The following SERINC2 variants were observed in gnomAD, a reference collection of about 807,000 sequenced individuals.
SERINC2 encodes the protein tumor differentially expressed protein 2.
In SERINC2, 56 loss-of-function variants were observed where a neutral mutation model predicts 54.2. That is an observed-to-expected ratio of 1.03 (90% CI 0.83 to 1.29). The LOEUF (loss-of-function observed/expected upper bound fraction) is 1.29. SERINC2 is among the 50% of genes most tolerant of loss of function. SERINC2 has a pLI of 0.00. For missense variants in SERINC2, 614 were observed against 607.4 expected, an observed-to-expected ratio of 1.01 and a Z score of -0.12; for synonymous variants, 272 against 253.1, an observed-to-expected ratio of 1.07 and a Z score of -0.71.
At chr1:31,432,177 GGTGGATAGGGTGGTTAGAGTGGAGAGA>G (rs1641308878) in intron 8 of SERINC2, among the ~76,000 whole-genome samples, 9 of 148,256 alleles carry the variant, frequency 6.1e-5, no homozygotes, top group African/African-American at 7.5e-5. Context: ...GGGTGGATAG[GGTGGATAGGGTGGTTAGAGTGGAGAGA>G]GTGGACAGGG....
At position 31,413,258 on chromosome 1, in the gene SERINC2, C is replaced by T. The variant is rs1371518776; in HGVS notation, c.-8C>T. The stretch of plus-strand genomic sequence containing the variant: ...GGCGCCGGGCGCCCGAAGCCGGGAG[C>T]CGCCGCCATGGGGGCCTGCCTGGGA... On this transcript the variant is annotated 5_prime_UTR_variant, in exon 1 of 10. Transcript: ENST00000373709. This position sits in a 1 kb window ranked among gnomAD's most constrained non-coding sequence, Gnocchi z 5.0. The T allele has an allele frequency of 1.2e-5, 15 of 1,218,484 alleles. No individual in the cohort carries two copies. The highest frequency in any genetic ancestry group is 3.4e-5 in the South Asian group (1 of 29,834). 75.5% of individuals were successfully genotyped at this position (1,218,484 alleles called of 1,614,324 possible).
chr1:31,431,924 GGGTGGAT>G (rs1641246927), intron 8 of SERINC2, among the ~76,000 whole-genome samples: 1 of 139,518 alleles, frequency 7.2e-6, no homozygotes. Context: ...AGGGTGGTTA[GGGTGGAT>G]AGGGTGGTTA....
intron 8 of SERINC2, among the ~76,000 whole-genome samples, chr1:31,432,074 ACAGGGTGGTTAGGGTGGACAGG>A (rs1641276325): frequency 8.2e-6 from 1 of 121,732 alleles, no homozygotes; most frequent in Non-Finnish European, 1.7e-5. Context: ...GACAGGGTGG[ACAGGGTGGTTAGGGTGGACAGG>A]GTGGACAGGG....
At chr1:31,432,045 GGA>G in intron 8 of SERINC2, among the ~76,000 whole-genome samples, 1 of 133,186 alleles carries the variant, frequency 7.5e-6, no homozygotes, top group African/African-American at 3.0e-5. Flanking sequence ...TGGACAGGGT[GGA>G]CAGGGTGGAC....
chr1:31,423,743 C>G lies in SERINC2; in HGVS notation c.90C>G (p.Pro30=). ...CCTGCATCCTGTGCAGCTGCTGCCC[C>G]GCCAGCCGCAACTCCACCGTGAGCC... ...SAPCILCSCC[P]ASRNSTVSRL... is the part of the protein sequence containing the mutation. The change falls in exon 2 of 10, where the codon CCC becomes CCG. Residue 30 remains proline, a synonymous_variant. Coordinates refer to ENST00000373709, the MANE Select transcript of SERINC2 (RefSeq NM_178865.5). The G allele has an allele frequency of 6.2e-7, 1 of 1,613,122 alleles. No individual in the cohort carries two copies. Among genetic ancestry groups the G allele is most frequent in the Non-Finnish European group, 8.5e-7 (1 of 1,179,926 alleles).
intron 1 of SERINC2, among the ~76,000 whole-genome samples, chr1:31,415,290 ATCAGCAAGGGACCCGGCCC>A (rs1285280051): frequency 6.6e-6 from 1 of 152,200 alleles, no homozygotes; most frequent in African/African-American, 2.4e-5. Context: ...AGTGAGTAAT[ATCAGCAAGGGACCCGGCCC>A]TCCCTTCAGT....
At chr1:31,429,853 C>G (rs927553524) in intron 8 of SERINC2, among the ~76,000 whole-genome samples, 1 of 152,064 alleles carries the variant, frequency 6.6e-6, no homozygotes, top group South Asian at 2.1e-4. Context: ...GTCTGTTTCT[C>G]CCCTGCTGTG....
At chr1:31,410,125 C>T (rs1312298758), upstream of SERINC2, 59 of 1,391,452 alleles carry the variant, frequency 4.2e-5, no homozygotes, top group Non-Finnish European at 4.7e-5. Context: ...GAAGCTGAAT[C>T]CTGAATTCCA....
intron 6 of SERINC2, 24 bp downstream of exon 6, chr1:31,426,847 G>A: frequency 6.2e-7 from 1 of 1,606,032 alleles, no homozygotes; most frequent in East Asian, 2.2e-5. Context: ...ACCCCCCCTG[G>A]CCTGAAGCCC....
rs1467032057 is a variant in SERINC2 at position 31,434,108 on chromosome 1, G to A, written c.1277G>A (p.Trp426Ter). Residue 426 changes from tryptophan to a stop codon, truncating the protein, a stop_gained, in exon 10 of 10, where the codon TGG becomes TAG. Coordinates refer to ENST00000373709, the MANE Select transcript of SERINC2 (RefSeq NM_178865.5). LOFTEE classifies it high-confidence loss of function. ...ATGATCAGCACGTGGACCGCCGTGT[G>A]GGTGAAGATCTGTGCCAGCTGGGCA... is the stretch of plus-strand genomic sequence containing the variant. Reference protein sequence around the residue: ...RKMISTWTAVWVKICASWAGL... With the variant: ...RKMISTWTAV 1 of 1,614,044 alleles carries A rather than the reference G, an allele frequency of 6.2e-7. No individual in the cohort carries two copies. The highest frequency in any genetic ancestry group is 8.5e-7 in the Non-Finnish European group (1 of 1,179,982).
chr1:31,413,940 G>C lies in SERINC2; in HGVS notation c.39+636G>C. The C allele has an allele frequency of 1.3e-6, 2 of 1,524,506 alleles. No individual in the cohort carries two copies. The highest frequency in any genetic ancestry group is 2.4e-5 in the South Asian group (2 of 82,888). 94.4% of individuals were successfully genotyped at this position (1,524,506 alleles called of 1,614,324 possible). ...CTCTGCGGTCCCTTTACCGTCCTCA[G>C]TCTGGCTCGCGCTGCCTCTCAGGCA... is the stretch of plus-strand genomic sequence containing the variant. On this transcript the variant is annotated intron_variant, in intron 1 of 9. Coordinates refer to ENST00000373709, the MANE Select transcript of SERINC2 (RefSeq NM_178865.5). The surrounding 1 kb of genome is among the most constrained non-coding windows in gnomAD (Gnocchi z 5.0).
chr1:31,424,596 T>G, intron 2 of SERINC2, 87 bp from the exon 3 acceptor site: 1 of 1,190,922 alleles, frequency 8.4e-7, no homozygotes, highest in Non-Finnish European at 1.2e-6. Context: ...TGGCCGGCCT[T>G]GGGAGACCAG....
At position 31,425,953 on chromosome 1, in the gene SERINC2, C is replaced by T; in HGVS notation, c.610+40C>T. On this transcript the variant is annotated intron_variant, in intron 5 of 9. Coordinates refer to ENST00000373709, the MANE Select transcript of SERINC2 (RefSeq NM_178865.5). Reference sequence around the variant, plus strand: ...CCTGCCTCCGTGTGGGGACTCGAGCCTGGGCAGGGCTGGGGCTGCCTGAGA... The same window carrying T: ...CCTGCCTCCGTGTGGGGACTCGAGCTTGGGCAGGGCTGGGGCTGCCTGAGA... The T allele has an allele frequency of 3.8e-6, 6 of 1,586,022 alleles. No individual in the cohort carries two copies. The South Asian group carries it at 5.6e-5, about 15-fold the overall frequency.
At chr1:31,433,218 G>C (rs781985093) in intron 9 of SERINC2, 33 bp downstream of exon 9, 8 of 1,570,838 alleles carry the variant, frequency 5.1e-6, no homozygotes, top group Admixed American at 1.7e-5. Context: ...ACAGAGCCCG[G>C]AGGTGCAGGG....
At chr1:31,411,177 G>A (rs2148507872), upstream of SERINC2, among the ~76,000 whole-genome samples, 1 of 152,210 alleles carries the variant, frequency 6.6e-6, no homozygotes, top group South Asian at 2.1e-4. Context: ...AAAGGCCTCG[G>A]GTTAGGGAAG....
intron 5 of SERINC2, 118 bp from the exon 6 acceptor site, chr1:31,426,536 T>G (rs1641046264): frequency 1.3e-6 from 1 of 758,664 alleles, no homozygotes; most frequent in Non-Finnish European, 2.1e-6. Context: ...ATTCTTCAAG[T>G]GGGGAAACTG....
chr1:31,426,544 C>T, intron 5 of SERINC2, 110 bp from the exon 6 acceptor site: 2 of 833,604 alleles, frequency 2.4e-6, no homozygotes, highest in Non-Finnish European at 3.7e-6. Context: ...AGTGGGGAAA[C>T]TGAGAGCTGG....
In SERINC2 at chr1:31,431,948, TTAGGGTGGTTAGGGTGGA is replaced by T. The variant is rs1570067052; in HGVS notation, c.1014-1010_1014-993del. 1.6e-3 allele frequency among the ~76,000 whole-genome samples: 5 copies of T among 3,184 alleles called. 1 individual carries two copies. The highest frequency in any genetic ancestry group is 0.019 in the East Asian group (2 of 106). 2.1% of individuals were successfully genotyped at this position (3,184 alleles called of 152,430 possible). ...AGGGTGGATAGGGTGGTTAGGGTGG[TTAGGGTGGTTAGGGTGGA>T]TAGGGTGGATAGGGTGGATAGGGTG... On this transcript the variant is annotated intron_variant, in intron 8 of 9. Coordinates refer to ENST00000373709, the MANE Select transcript of SERINC2 (RefSeq NM_178865.5).
chr1:31,432,210 C>CAGGGTGGAGAGGGTGGTT (rs1641315744), intron 8 of SERINC2, among the ~76,000 whole-genome samples: 1 of 94,578 alleles, frequency 1.1e-5, no homozygotes, highest in Non-Finnish European at 2.4e-5. Context: ...AGAGAGTGGA[C>CAGGGTGGAGAGGGTGGTT]AGGGTGGAGA....
Sources: gnomAD v4.1 joint callset for allele counts (sites outside exome capture counted in the v4.1 genomes callset) on GRCh38, gnomAD v4.1.1 for gene constraint, Gnocchi (gnomAD v3.1) non-coding constraint, MANE v1.5 for transcripts, NCBI Gene and HGNC (gene_info 2026-07-23, HGNC 2026-07-21) for gene names.